The following VWDE variants were observed in gnomAD, a reference collection of about 807,000 sequenced individuals.
VWDE encodes von Willebrand factor D and EGF domains.
Under a neutral mutation model 178.4 loss-of-function variants are expected in VWDE, and 207 were observed. The observed-to-expected ratio is 1.16, with a 90% CI of 1.04 to 1.30. The LOEUF is 1.30. Among genes scored for constraint, VWDE ranks in the 50% most tolerant of loss-of-function variants. The probability of loss-of-function intolerance (pLI) is 0.00; values close to 1 mark genes in which losing one functional copy is unlikely to be tolerated. For missense variants in VWDE, 2,287 were observed against 1,901.3 expected, an observed-to-expected ratio of 1.20 and a Z score of -3.77; for synonymous variants, 738 against 651.4, an observed-to-expected ratio of 1.13 and a Z score of -2.02.
At chr7:12,364,937 T>A (rs1782779917) in intron 13 of VWDE, among the ~76,000 whole-genome samples, 1 of 152,064 alleles carries the variant, frequency 6.6e-6, no homozygotes, top group South Asian at 2.1e-4. Context: ...CATTGCATCA[T>A]GAAAGGATGC....
chr7:12,367,328 A>AT, intron 13 of VWDE, 29 bp downstream of exon 13: 5 of 1,505,616 alleles, frequency 3.3e-6, no homozygotes, highest in Non-Finnish European at 4.4e-6. Flanking sequence ...CATACACTCT[A>AT]TTGTTTCTGA....
chr7:12,371,696 C>T (rs1042213834), intron 10 of VWDE, among the ~76,000 whole-genome samples: 4 of 152,044 alleles, frequency 2.6e-5, no homozygotes, highest in Non-Finnish European at 5.9e-5. Flanking sequence ...ATATTAAGAT[C>T]TTTGTGCAAA....
chr7:12,385,460 A>G (rs1190146498), intron 3 of VWDE, among the ~76,000 whole-genome samples: 1 of 152,200 alleles, frequency 6.6e-6, no homozygotes, highest in African/African-American at 2.4e-5. Flanking sequence ...CAGTTAGCAG[A>G]AGCTCTCTTT....
intron 6 of VWDE, among the ~76,000 whole-genome samples, chr7:12,379,249 C>G (rs923515994): frequency 4.6e-5 from 7 of 152,168 alleles, no homozygotes; most frequent in African/African-American, 1.7e-4. Flanking sequence ...CTAATTTGAG[C>G]TATTTCTTTA....
Position 12,340,332 on chromosome 7 carries a change from G to C in VWDE, c.4356C>G (p.His1452Gln), listed in dbSNP as rs371934506. The C allele has an allele frequency of 1.1e-4, 171 of 1,550,382 alleles. 1 individual carries two copies. The African/African-American group carries it at 2.2e-3, about 20-fold the overall frequency. ...AGAAAGAATAATTACCATTCTGACA[G>C]TGTTCCCCAAAGAATCCATTTGGAC... is the stretch of plus-strand genomic sequence containing the variant. ...CLCPNGFFGE[H>Q]CQNAFCHPPC... The change falls in exon 24 of 29, where the codon CAC (histidine) becomes CAG (glutamine). Residue 1452 changes from histidine to glutamine, a missense_variant. Physicochemically the swap from His to Gln is conservative, Grantham distance 24. Transcript: ENST00000275358.
intron 3 of VWDE, among the ~76,000 whole-genome samples, chr7:12,385,183 AT>A (rs1784040487): frequency 6.6e-6 from 1 of 152,164 alleles, no homozygotes; most frequent in Non-Finnish European, 1.5e-5. Flanking sequence ...ATATATATGA[AT>A]TCTGTGAGAA....
chr7:12,333,604 G>A, intron 27 of VWDE, 36 bp from the exon 28 acceptor site: 1 of 1,381,324 alleles, frequency 7.2e-7, no homozygotes, highest in South Asian at 1.2e-5. Flanking sequence ...ACCATCCTTT[G>A]ACATGAAATG....
intron 1 of VWDE, among the ~76,000 whole-genome samples, chr7:12,400,325 T>C (rs1698550814): frequency 6.6e-6 from 1 of 152,032 alleles, no homozygotes; most frequent in South Asian, 2.1e-4. Context: ...GACCTCTAAC[T>C]AGATTTATGG....
chr7:12,361,230 ATT>A lies in VWDE; in HGVS notation c.3074_3075del (p.Lys1025IlefsTer3), dbSNP rs769034669. 1.3e-6 allele frequency: 2 copies of A among 1,547,732 alleles called. No homozygotes were observed. The highest frequency in any genetic ancestry group is 2.4e-5 in the South Asian group (2 of 83,632). Reference sequence around the variant, plus strand: ...ATGACCGTTATTTTGGGATTACTGAATTTATAACCATCATTAGATACCTGTAA... The same window carrying A: ...ATGACCGTTATTTTGGGATTACTGAATATAACCATCATTAGATACCTGTAA... ...WQLKVSNDGY[K>X]FSNPKITVIY... On this transcript the variant is annotated frameshift_variant, in exon 15 of 29. Coordinates refer to ENST00000275358, the MANE Select transcript of VWDE (RefSeq NM_001135924.3). LOFTEE classifies it high-confidence loss of function.
intron 18 of VWDE, among the ~76,000 whole-genome samples, chr7:12,353,207 G>C (rs564156777): frequency 2.0e-5 from 3 of 152,156 alleles, no homozygotes; most frequent in African/African-American, 7.2e-5. Context: ...GATCAAACTA[G>C]CTGACTGAGT....
In VWDE at chr7:12,359,619, C is replaced by T; in HGVS notation, c.3233G>A (p.Cys1078Tyr). 2 of 1,550,254 alleles carry T rather than the reference C, an allele frequency of 1.3e-6. No individual in the cohort carries two copies. The highest frequency in any genetic ancestry group is 1.7e-6 in the Non-Finnish European group (2 of 1,146,200). Reference sequence around the variant, plus strand: ...AGTAAATCTTGAAATTTTGGGTCTACAAATCAAACAAGGGCTGGTTGGATT... The same window carrying T: ...AGTAAATCTTGAAATTTTGGGTCTATAAATCAAACAAGGGCTGGTTGGATT... ...DKNPTSPCLI[C>Y]RPKISRFTWS... The change falls in exon 16 of 29, where the codon TGT (cysteine) becomes TAT (tyrosine). Residue 1078 changes from cysteine (C) to tyrosine (Y), a missense_variant. Coordinates refer to ENST00000275358, the MANE Select transcript of VWDE (RefSeq NM_001135924.3).
chr7:12,383,456 C>G (rs113039406), intron 4 of VWDE, 80 bp downstream of exon 4: 1 of 1,142,976 alleles, frequency 8.7e-7, no homozygotes, highest in Middle Eastern at 2.0e-4. Context: ...ATTCAACATC[C>G]AAAGCTGCAG....
chr7:12,403,783 C>T lies in VWDE; in HGVS notation c.-67G>A. On this transcript the variant is annotated 5_prime_UTR_variant, in exon 1 of 29. Coordinates refer to ENST00000275358, the MANE Select transcript of VWDE (RefSeq NM_001135924.3). The stretch of plus-strand genomic sequence containing the variant: ...GGCCGCGGGTGCCAGGAGGATGGGG[C>T]CACAGCAGCCCCTCGGGCCTCCTTT... 1 of 1,491,806 alleles carries T rather than the reference C, an allele frequency of 6.7e-7. No homozygotes were observed. Among genetic ancestry groups the T allele is most frequent in the Non-Finnish European group, 9.1e-7 (1 of 1,095,824 alleles). 92.4% of individuals were successfully genotyped at this position (1,491,806 alleles called of 1,614,324 possible). A position where few individuals can be genotyped will look rare whatever the true frequency, so the allele number is the denominator to read the frequency against.
chr7:12,342,832 A>G (rs1371687416), intron 22 of VWDE, among the ~76,000 whole-genome samples: 3 of 65,934 alleles, frequency 4.6e-5, no homozygotes, highest in Admixed American at 3.4e-4. Context: ...TCCCTCCCCC[A>G]TCCCCCCACC....
intron 3 of VWDE, 145 bp downstream of exon 3, chr7:12,388,982 C>A (rs6954047): frequency 0.37 from 284,453 of 766,646 alleles, 54,189 homozygotes; most frequent in African/African-American, 0.49. Flanking sequence ...CCAATGTAAA[C>A]AGAAATTTAG....
intron 3 of VWDE, among the ~76,000 whole-genome samples, chr7:12,385,644 A>C (rs2128559907): frequency 6.6e-6 from 1 of 152,332 alleles, no homozygotes; most frequent in East Asian, 1.9e-4. Flanking sequence ...ATATTTGTTC[A>C]GTAAGAAAAA....
At chr7:12,357,560 G>C in intron 16 of VWDE, 45 bp from the exon 17 acceptor site, 1 of 1,541,246 alleles carries the variant, frequency 6.5e-7, no homozygotes, top group Non-Finnish European at 8.8e-7. Context: ...GTAGAAAAAG[G>C]AATGAAGTGT....
rs760045109 is a variant in VWDE, at chr7:12,351,648, C to T, written c.3811G>A (p.Val1271Ile). 2.6e-6 allele frequency: 4 copies of T among 1,550,352 alleles called. No homozygotes were observed. In the South Asian group the frequency reaches 4.8e-5, roughly 18 times the overall value. Reference sequence around the variant, plus strand: ...TTTTTATCATCCTCTTCTTTATTTACACTTTTATCAGATCTTGTGAGAACC... The same window carrying T: ...TTTTTATCATCCTCTTCTTTATTTATACTTTTATCAGATCTTGTGAGAACC... ...TVVLTRSDKS[V>I]NKEEDDKNAQ... The change falls in exon 19 of 29, where the codon GTA becomes ATA. Residue 1271 changes from valine (V) to isoleucine (I), a missense_variant. Transcript: ENST00000275358.
rs190969832 is a variant in VWDE, at chr7:12,382,480, G to A, written c.541+1056C>T. 7.4e-4 allele frequency among the ~76,000 whole-genome samples: 112 copies of A among 151,564 alleles called. 1 individual carries two copies. Among genetic ancestry groups the A allele is most frequent in the Non-Finnish European group, 1.1e-3 (76 of 67,688 alleles). ...GCTAGAAAAAAACCATTTGGAATAG[G>A]GCATGAAATAGAGCATGAAAATTCA... On this transcript the variant is annotated intron_variant, in intron 4 of 28. Coordinates refer to ENST00000275358, the MANE Select transcript of VWDE (RefSeq NM_001135924.3).
Sources: allele counts gnomAD v4.1 joint callset (sites outside exome capture counted in the v4.1 genomes callset), GRCh38; gene constraint gnomAD v4.1.1; transcripts MANE v1.5; gene names NCBI Gene and HGNC (gene_info 2026-07-23, HGNC 2026-07-21).